Variants in CDH6 observed in about 807,000 individuals in gnomAD.
The protein encoded by CDH6 is cadherin-6.
In CDH6, 31 loss-of-function variants were observed where a neutral mutation model predicts 78.0. The observed-to-expected ratio is 0.40, with a 90% CI of 0.30 to 0.54. The LOEUF (loss-of-function observed/expected upper bound fraction) is 0.54, where lower values mean the gene tolerates loss of function less well. CDH6 is among the 20% of genes least tolerant of loss of function. The probability of loss-of-function intolerance (pLI) is 0.56; values close to 1 mark genes in which losing one functional copy is unlikely to be tolerated. For missense variants in CDH6, 724 were observed against 975.9 expected (o/e 0.74, Z 3.44); for synonymous variants, 376 against 368.8 (o/e 1.02, Z -0.23).
At chr5:31,237,614 T>C (rs757425521) in intron 1 of CDH6, among the ~76,000 whole-genome samples, 3 of 152,190 alleles carry the variant, frequency 2.0e-5, no homozygotes, top group Non-Finnish European at 2.9e-5. Flanking sequence ...TTAAACCATA[T>C]AATTAAAAAT....
chr5:31,314,257 G>A (rs1738240862), intron 8 of CDH6, among the ~76,000 whole-genome samples: 1 of 150,876 alleles, frequency 6.6e-6, no homozygotes, highest in Non-Finnish European at 1.5e-5. Context: ...CCATTAACTC[G>A]TCATTTACAT....
chr5:31,320,370 A>T (rs867342786), intron 11 of CDH6, among the ~76,000 whole-genome samples: 33 of 152,262 alleles, frequency 2.2e-4, no homozygotes, highest in African/African-American at 7.9e-4. Context: ...AGACGTGCAT[A>T]AGACTAAAAT....
intron 2 of CDH6, among the ~76,000 whole-genome samples, chr5:31,270,684 T>C (rs113140979): frequency 6.6e-6 from 1 of 152,116 alleles, no homozygotes; most frequent in African/African-American, 2.4e-5. Context: ...TCCTTCCTTT[T>C]TTTTATTTTA....
Position 31,328,048 on chromosome 5 carries a change from TGAAAA to T in CDH6, c.*4743_*4747del, listed in dbSNP as rs1339116554. ...CAACAGAGCCGGCAGATGAAAGTGT[TGAAAA>T]GAGGTCAAATGGAAACAAAGGCTCT... On this transcript the variant is annotated 3_prime_UTR_variant, in exon 12 of 12. Coordinates refer to ENST00000265071, the MANE Select transcript of CDH6 (RefSeq NM_004932.4). 1 of 218,810 alleles carries T rather than the reference TGAAAA, an allele frequency of 4.6e-6. No homozygotes were observed. Among genetic ancestry groups the T allele is most frequent in the Non-Finnish European group, 9.2e-6 (1 of 108,990 alleles). 13.6% of individuals were successfully genotyped at this position (218,810 alleles called of 1,614,324 possible).
chr5:31,228,032 G>A (rs1741211351), intron 1 of CDH6, among the ~76,000 whole-genome samples: 1 of 152,158 alleles, frequency 6.6e-6, no homozygotes, highest in Admixed American at 6.5e-5. Flanking sequence ...AGGCTCTAGA[G>A]GAGAAGCCAC....
At chr5:31,208,237 T>C (rs988449127) in intron 1 of CDH6, among the ~76,000 whole-genome samples, 3 of 152,180 alleles carry the variant, frequency 2.0e-5, no homozygotes, top group African/African-American at 7.2e-5. Context: ...CGAGGGGCTT[T>C]ATGCCCTGAG....
Position 31,252,328 on chromosome 5 carries a change from G to GTGTGTGT in CDH6, c.-128-15018_-128-15017insTGTGTGT, listed in dbSNP as rs1554006112. Among the ~76,000 whole-genome samples the GTGTGTGT allele has an allele frequency of 3.3e-3, 486 of 149,026 alleles. 4 individuals carry two copies. Among genetic ancestry groups the GTGTGTGT allele is most frequent in the Non-Finnish European group, 5.5e-3 (367 of 67,132 alleles). On this transcript the variant is annotated intron_variant, in intron 1 of 11. Transcript: ENST00000265071. The stretch of plus-strand genomic sequence containing the variant: ...CTTTTAAGGTGTATTATGTGTGTGT[G>GTGTGTGT]GTGTGTGTGTGTGTGTGTGTGTGTA...
At chr5:31,205,526 T>C (rs986441043) in intron 1 of CDH6, among the ~76,000 whole-genome samples, 5 of 152,244 alleles carry the variant, frequency 3.3e-5, no homozygotes, top group African/African-American at 1.2e-4. Flanking sequence ...AGTCTGTCAT[T>C]TTGATATTTT....
intron 1 of CDH6, among the ~76,000 whole-genome samples, chr5:31,254,044 G>C (rs984091750): frequency 6.6e-6 from 1 of 152,128 alleles, no homozygotes; most frequent in Admixed American, 6.6e-5. Flanking sequence ...GCTGCACACT[G>C]TTCTGGACAG....
chr5:31,282,476 T>C (rs887023548), intron 2 of CDH6, among the ~76,000 whole-genome samples: 1 of 152,142 alleles, frequency 6.6e-6, no homozygotes, highest in African/African-American at 2.4e-5. Flanking sequence ...CTCTCCCCTC[T>C]TTCCCTTGTA....
chr5:31,198,478 A>C (rs1240771644), intron 1 of CDH6, among the ~76,000 whole-genome samples: 1 of 152,202 alleles, frequency 6.6e-6, no homozygotes, highest in Non-Finnish European at 1.5e-5. Context: ...GATGAGGCAC[A>C]TAAAGCTAGC....
chr5:31,265,673 G>A (rs1579864094), intron 1 of CDH6, among the ~76,000 whole-genome samples: 1 of 151,410 alleles, frequency 6.6e-6, no homozygotes. Context: ...GATCTGCATG[G>A]TTTAGAGTAA....
chr5:31,293,303 G>GATT (rs889932794), intron 2 of CDH6, among the ~76,000 whole-genome samples: 54 of 152,196 alleles, frequency 3.5e-4, no homozygotes, highest in African/African-American at 1.3e-3. Flanking sequence ...CTAGTCAGGT[G>GATT]ATTTTCAAGG....
chr5:31,257,350 A>T (rs1002266892), intron 1 of CDH6, among the ~76,000 whole-genome samples: 1 of 152,124 alleles, frequency 6.6e-6, no homozygotes, highest in Admixed American at 6.5e-5. Flanking sequence ...TTTTTAGTAG[A>T]GATGGGGTTT....
chr5:31,315,073 A>T (rs530569902), intron 8 of CDH6, among the ~76,000 whole-genome samples: 9 of 152,308 alleles, frequency 5.9e-5, no homozygotes, highest in South Asian at 2.1e-4. Flanking sequence ...AAGAGCCAGA[A>T]ATATTCACAT....
chr5:31,273,160 G>A (rs996981753), intron 2 of CDH6, among the ~76,000 whole-genome samples: 11 of 152,288 alleles, frequency 7.2e-5, no homozygotes, highest in African/African-American at 2.6e-4. Context: ...TAGTAAACAT[G>A]AAGCAATATT....
At chr5:31,240,730 T>C (rs1165019845) in intron 1 of CDH6, among the ~76,000 whole-genome samples, 2 of 152,206 alleles carry the variant, frequency 1.3e-5, no homozygotes, top group Non-Finnish European at 2.9e-5. Context: ...TCCTCCATGC[T>C]CATCTGGCAG....
intron 2 of CDH6, among the ~76,000 whole-genome samples, chr5:31,286,635 G>A (rs1353034100): frequency 2.6e-5 from 4 of 152,152 alleles, no homozygotes; most frequent in Admixed American, 2.6e-4. Context: ...GCGAAGGGGT[G>A]GGGATGAGGG....
chr5:31,217,688 T>C (rs191937640), intron 1 of CDH6, among the ~76,000 whole-genome samples: 35 of 152,232 alleles, frequency 2.3e-4, no homozygotes, highest in Non-Finnish European at 5.1e-4. Context: ...ACACAGTAAC[T>C]GATGTTGAGG....
Sources: gnomAD v4.1 joint callset for allele counts (sites outside exome capture counted in the v4.1 genomes callset) on GRCh38, gnomAD v4.1.1 for gene constraint, MANE v1.5 for transcripts, NCBI Gene and HGNC (gene_info 2026-07-23, HGNC 2026-07-21) for gene names.